The following PCDHGA5 variants were observed in gnomAD, a reference collection of about 807,000 sequenced individuals.
PCDHGA5 encodes protocadherin gamma subfamily A, 5, also known as protocadherin gamma-A5.
PCDHGA5 carries 36 observed loss-of-function variants against 56.7 expected under a neutral mutation model. That is an observed-to-expected ratio of 0.64 (90% CI 0.49 to 0.84). The LOEUF (loss-of-function observed/expected upper bound fraction) is 0.84. Among genes scored for constraint, PCDHGA5 ranks in the 40% least tolerant of loss-of-function variants. PCDHGA5 has a pLI of 0.00. For missense variants in PCDHGA5, 1,305 were observed against 1,201.5 expected (o/e 1.09, Z -1.27); for synonymous variants, 563 against 520.2 (o/e 1.08, Z -1.12).
At chr5:141,398,019 A>T (rs2093601039) in intron 1 of PCDHGA5, 1 of 1,427,024 alleles carries the variant, frequency 7.0e-7, no homozygotes, top group Admixed American at 2.6e-5. Flanking sequence ...CGTTTCCTAA[A>T]CTGGAACTGG....
intron 1 of PCDHGA5, chr5:141,371,702 GACC>G (rs768822916): frequency 1.1e-5 from 18 of 1,613,922 alleles, no homozygotes; most frequent in Non-Finnish European, 1.7e-6. Context: ...CCTCCAGCAA[GACC>G]ATCACTCTGC....
At chr5:141,448,316 T>G (rs1042171540) in intron 1 of PCDHGA5, among the ~76,000 whole-genome samples, 2 of 152,174 alleles carry the variant, frequency 1.3e-5, no homozygotes, top group Admixed American at 1.3e-4. Context: ...AGGAATCTTT[T>G]CTTTGAATCT....
At chr5:141,469,885 C>A (rs1464434089) in intron 1 of PCDHGA5, among the ~76,000 whole-genome samples, 3 of 152,204 alleles carry the variant, frequency 2.0e-5, no homozygotes, top group African/African-American at 4.8e-5. Context: ...AATCTCGGCA[C>A]TTTGGGAAGC....
At chr5:141,480,240 CAA>C (rs11374694) in intron 1 of PCDHGA5, among the ~76,000 whole-genome samples, 8 of 114,006 alleles carry the variant, frequency 7.0e-5, no homozygotes, top group Non-Finnish European at 7.5e-5. Flanking sequence ...CCTGTCTCTA[CAA>C]AAAAAAAAAA....
intron 1 of PCDHGA5, among the ~76,000 whole-genome samples, chr5:141,369,573 C>T (rs12188189): frequency 0.047 from 7,089 of 152,168 alleles, 244 homozygotes; most frequent in Admixed American, 0.083. Flanking sequence ...GAAAAGAGAC[C>T]CTCTTGCTTT....
intron 1 of PCDHGA5, chr5:141,393,947 G>T: frequency 6.2e-7 from 1 of 1,613,972 alleles, no homozygotes; most frequent in Non-Finnish European, 8.5e-7. Context: ...ACTCTGGAAA[G>T]AATGGTCAAG....
chr5:141,385,388 G>A (rs757763221), intron 1 of PCDHGA5: 1 of 1,507,708 alleles, frequency 6.6e-7, no homozygotes, highest in Non-Finnish European at 8.8e-7. Context: ...CTATTATTTT[G>A]CAAAACAAAT....
chr5:141,397,287 G>A (rs2093504712), intron 1 of PCDHGA5, among the ~76,000 whole-genome samples: 1 of 152,134 alleles, frequency 6.6e-6, no homozygotes, highest in Admixed American at 6.5e-5. Flanking sequence ...CAGTATACTT[G>A]AATGAATATT....
At chr5:141,440,275 T>C (rs913705052) in intron 1 of PCDHGA5, 14 of 152,120 alleles carry the variant, frequency 9.2e-5, no homozygotes, top group African/African-American at 3.1e-4. Flanking sequence ...GAGACCAGCC[T>C]GACCAACATA....
chr5:141,381,826 C>CTTTTTTTTTTTTTT (rs770630741), intron 1 of PCDHGA5, among the ~76,000 whole-genome samples: 11 of 74,282 alleles, frequency 1.5e-4, no homozygotes, highest in Non-Finnish European at 1.7e-4. Context: ...CTTTCTTCTT[C>CTTTTTTTTTTTTTT]TTTTTTTTTT....
At chr5:141,393,378 G>C in intron 1 of PCDHGA5, 1 of 1,613,982 alleles carries the variant, frequency 6.2e-7, no homozygotes, top group Non-Finnish European at 8.5e-7. Flanking sequence ...AGACAATGGA[G>C]CCATAAACCC....
At chr5:141,507,349 A>G (rs537480798) in intron 3 of PCDHGA5, 1 of 152,236 alleles carries the variant, frequency 6.6e-6, no homozygotes, top group African/African-American at 2.4e-5. Flanking sequence ...CTGAAATTCA[A>G]ATTTAACTGG....
intron 1 of PCDHGA5, chr5:141,374,303 C>A: frequency 6.2e-7 from 1 of 1,613,938 alleles, no homozygotes; most frequent in Non-Finnish European, 8.5e-7. Context: ...TAGGATGCAG[C>A]TTTTCTCTCT....
In PCDHGA5 at chr5:141,486,077, C is replaced by T; in HGVS notation, c.2422-8730C>T. 6.2e-7 allele frequency: 1 copy of T among 1,614,186 alleles called. No individual in the cohort carries two copies. The highest frequency in any genetic ancestry group is 8.5e-7 in the Non-Finnish European group (1 of 1,180,024). ...TAGCCTGCACCCCACTACTGGAAAG[C>T]TTACTCTTTTGGGGCCCCTAGACTT... On this transcript the variant is annotated intron_variant, in intron 1 of 3. Coordinates refer to ENST00000518069, the MANE Select transcript of PCDHGA5 (RefSeq NM_018918.3). The surrounding 1 kb of genome is among the most constrained non-coding windows in gnomAD (Gnocchi z 5.0).
chr5:141,397,625 G>A (rs558654986), intron 1 of PCDHGA5, among the ~76,000 whole-genome samples: 2 of 152,338 alleles, frequency 1.3e-5, no homozygotes, highest in South Asian at 4.1e-4. Flanking sequence ...CTTAGTTCTA[G>A]CTAAGAGTTC....
chr5:141,372,310 G>A (rs1768642217), intron 1 of PCDHGA5: 4 of 1,613,452 alleles, frequency 2.5e-6, no homozygotes, highest in Non-Finnish European at 2.5e-6. Context: ...GAGGCCGCCC[G>A]CCAGCGCCTG....
At position 141,407,205 on chromosome 5, in the gene PCDHGA5, C is replaced by T. The variant is rs146299905; in HGVS notation, c.2421+40454C>T. 1.4e-3 allele frequency among the ~76,000 whole-genome samples: 213 copies of T among 152,308 alleles called. 1 individual carries two copies. Among genetic ancestry groups the T allele is most frequent in the African/African-American group, 4.8e-3 (199 of 41,572 alleles). On this transcript the variant is annotated intron_variant, in intron 1 of 3. Coordinates refer to ENST00000518069, the MANE Select transcript of PCDHGA5 (RefSeq NM_018918.3). ...ATTTTAATTATTTCAAACACGTTTTCCCCCTTAAGTGGGTAGCAAAAAAAA... is the reference window on the plus strand; with the variant it reads ...ATTTTAATTATTTCAAACACGTTTTTCCCCTTAAGTGGGTAGCAAAAAAAA...
chr5:141,433,671 A>G (rs1376085577), intron 1 of PCDHGA5, among the ~76,000 whole-genome samples: 12 of 152,058 alleles, frequency 7.9e-5, no homozygotes, highest in Admixed American at 7.2e-4. Flanking sequence ...CCCCGTCTAT[A>G]CTAAAAAAAT....
rs374478954 is a variant in PCDHGA5 at position 141,370,771 on chromosome 5, T to C, written c.2421+4020T>C. The C allele has an allele frequency of 2.0e-5, 33 of 1,614,000 alleles. No homozygotes were observed. The African/African-American group carries it at 3.9e-4, about 19-fold the overall frequency. On this transcript the variant is annotated intron_variant, in intron 1 of 3. Coordinates refer to ENST00000518069, the MANE Select transcript of PCDHGA5 (RefSeq NM_018918.3). Reference sequence around the variant, plus strand: ...CATGTAACTGTGCTGATCCAGGATATTAACGACAACCCACCGACCTTTAGC... The same window carrying C: ...CATGTAACTGTGCTGATCCAGGATACTAACGACAACCCACCGACCTTTAGC...
Sources: allele counts gnomAD v4.1 joint callset (sites outside exome capture counted in the v4.1 genomes callset), GRCh38; gene constraint gnomAD v4.1.1; non-coding constraint Gnocchi (gnomAD v3.1); transcripts MANE v1.5; gene names NCBI Gene and HGNC (gene_info 2026-07-23, HGNC 2026-07-21).